Variants in TRIM43B observed in about 807,000 individuals in gnomAD.
TRIM43B encodes tripartite motif containing 43B.
Under a neutral mutation model 27.0 loss-of-function variants are expected in TRIM43B, and 15 were observed. The observed-to-expected ratio is 0.55, with a 90% CI of 0.37 to 0.85. The LOEUF is 0.85. Among genes scored for constraint, TRIM43B ranks in the 40% least tolerant of loss-of-function variants. The probability of loss-of-function intolerance (pLI) is 0.00; values close to 1 mark genes in which losing one functional copy is unlikely to be tolerated. For synonymous variants in TRIM43B, 69 were observed against 97.8 expected, an observed-to-expected ratio of 0.71 and a Z score of 1.74; for missense variants, 172 against 289.8, an observed-to-expected ratio of 0.59 and a Z score of 2.95.
chr2:95,480,480 G>A (rs559624347), exon 4 of TRIM43B: 51 of 1,606,102 alleles, frequency 3.2e-5, no homozygotes, highest in Admixed American at 2.3e-4. Context: ...ATGGAGAACC[G>A]GATGCAGCTT....
chr2:95,484,679 C>G (rs1558815084), exon 1 of TRIM43B: 1 of 152,088 alleles, frequency 6.6e-6, no homozygotes, highest in Middle Eastern at 3.4e-3. Flanking sequence ...ATGAGAGTCT[C>G]ACAGTGCAGT....
rs563777718 is a variant in TRIM43B at position 95,480,399 on chromosome 2, C to T, written c.644G>A (p.Ser215Asn). The T allele has an allele frequency of 4.5e-5, 72 of 1,609,508 alleles. No homozygotes were observed. In the African/African-American group the frequency reaches 8.3e-4, roughly 19 times the overall value. ...ACTCTTTTGATCCATTTTGACCCAA[C>T]TTCTCTGGAGTTGCTGAAAAATCTC... Residue 215 changes from serine to asparagine, a missense_variant, in exon 4 of 7, where the codon AGT becomes AAT. Around this residue, in one of 3 missense-constraint regions of TRIM43B, gnomAD observed 31 missense variants for 72.7 expected, o/e 0.43. Transcript: ENST00000639673.
At chr2:95,484,107 A>C (rs1278206996) in intron 1 of TRIM43B, among the ~76,000 whole-genome samples, 1 of 150,506 alleles carries the variant, frequency 6.6e-6, no homozygotes. Context: ...GCGGTGGCTC[A>C]GGCCTGTAAT....
At chr2:95,481,030 C>T (rs1683512541) in intron 3 of TRIM43B, among the ~76,000 whole-genome samples, 2 of 152,074 alleles carry the variant, frequency 1.3e-5, no homozygotes, top group African/African-American at 4.8e-5. Flanking sequence ...CTCTGTATTG[C>T]ACTGCCATTC....
chr2:95,481,927 A>G (rs910013005), intron 2 of TRIM43B, among the ~76,000 whole-genome samples: 1 of 151,884 alleles, frequency 6.6e-6, no homozygotes, highest in African/African-American at 2.4e-5. Context: ...GTTCAGGGAA[A>G]CATCCTGCTT....
rs548134783 is a variant in TRIM43B, at chr2:95,483,684, C to T, written c.-5+922G>A. 1.0e-3 allele frequency among the ~76,000 whole-genome samples: 155 copies of T among 151,712 alleles called. 1 individual carries two copies. Among genetic ancestry groups the T allele is most frequent in the Non-Finnish European group, 1.6e-3 (112 of 67,926 alleles). The stretch of plus-strand genomic sequence containing the variant: ...CTACTAAAAAATACAAAAAATTAGC[C>T]GGGAGTGGTGGAGGACGCCTGTAGT... On this transcript the variant is annotated intron_variant, in intron 1 of 6. Transcript: ENST00000639673.
chr2:95,480,752 A>G (rs1487231556), intron 3 of TRIM43B, among the ~76,000 whole-genome samples: 1 of 152,154 alleles, frequency 6.6e-6, no homozygotes, highest in East Asian at 1.9e-4. Flanking sequence ...CAAATCGGAA[A>G]TACAATTAGA....
chr2:95,481,624 C>T, exon 3 of TRIM43B: 1 of 1,612,680 alleles, frequency 6.2e-7, no homozygotes, highest in Middle Eastern at 1.7e-4. Context: ...CTTCTCTCCT[C>T]ATATAGATTT....
intron 1 of TRIM43B, among the ~76,000 whole-genome samples, chr2:95,483,551 GC>G (rs1174922477): frequency 6.6e-6 from 1 of 151,642 alleles, no homozygotes; most frequent in East Asian, 1.9e-4. Context: ...GGGCACGGTG[GC>G]TGACGCCTGT....
At chr2:95,483,258 G>T (rs1403232202) in intron 1 of TRIM43B, among the ~76,000 whole-genome samples, 2 of 152,016 alleles carry the variant, frequency 1.3e-5, no homozygotes, top group Non-Finnish European at 2.9e-5. Context: ...ACTCTCCAAG[G>T]AAAAACAGTC....
At chr2:95,481,444 C>T (rs1015546145) in intron 3 of TRIM43B, 151 bp downstream of exon 3, 33 of 550,890 alleles carry the variant, frequency 6.0e-5, no homozygotes, top group African/African-American at 5.4e-4. Context: ...CCTGAACAAT[C>T]GTTATGTTGA....
At chr2:95,484,068 TAAA>T (rs33962775) in intron 1 of TRIM43B, among the ~76,000 whole-genome samples, 12 of 108,406 alleles carry the variant, frequency 1.1e-4, no homozygotes, top group African/African-American at 1.8e-4. Context: ...TATATAAATT[TAAA>T]AAAAAAAAAA....
At position 95,483,688 on chromosome 2, in the gene TRIM43B, A is replaced by ACT. The variant is rs1683578726; in HGVS notation, c.-5+917_-5+918insAG. Among the ~76,000 whole-genome samples the ACT allele has an allele frequency of 4.0e-5, 6 of 151,894 alleles. No individual in the cohort carries two copies. In the South Asian group the frequency reaches 6.3e-4, roughly 16 times the overall value. ...TAAAAAATACAAAAAATTAGCCGGGAGTGGTGGAGGACGCCTGTAGTCCCA... is the reference window on the plus strand; with the variant it reads ...TAAAAAATACAAAAAATTAGCCGGGACTGTGGTGGAGGACGCCTGTAGTCCCA... On this transcript the variant is annotated intron_variant, in intron 1 of 6. Transcript: ENST00000639673.
At chr2:95,482,535 C>T (rs1221281495) in exon 2 of TRIM43B, 11 of 1,611,090 alleles carry the variant, frequency 6.8e-6, no homozygotes, top group East Asian at 4.5e-5. Context: ...AGTCCATTTT[C>T]GGTGATGGTT....
exon 4 of TRIM43B, chr2:95,480,351 T>C: frequency 1.9e-6 from 3 of 1,609,968 alleles, no homozygotes; most frequent in Non-Finnish European, 2.5e-6. Context: ...CATTAGTTCC[T>C]GATACATTTC....
intron 1 of TRIM43B, among the ~76,000 whole-genome samples, chr2:95,483,089 A>G (rs994440634): frequency 5.9e-5 from 9 of 152,120 alleles, no homozygotes; most frequent in Admixed American, 6.6e-5. Context: ...CTTCATTGCC[A>G]GTGATTGGTT....
intron 1 of TRIM43B, 60 bp downstream of exon 1, chr2:95,484,546 C>T (rs1683606599): frequency 6.6e-6 from 1 of 152,050 alleles, no homozygotes; most frequent in South Asian, 2.1e-4. Context: ...TTAAAGTCCC[C>T]AAATTTTGTT....
chr2:95,482,853 A>G, intron 1 of TRIM43B, 135 bp from the exon 2 acceptor site: 1 of 1,479,618 alleles, frequency 6.8e-7, no homozygotes. Flanking sequence ...GCAATGACAG[A>G]AATAGGAAAA....
Position 95,481,507 on chromosome 2 carries a change from A to ATGAG in TRIM43B, c.507+84_507+87dup, listed in dbSNP as rs1683521940. On this transcript the variant is annotated intron_variant, in intron 3 of 6. Coordinates refer to ENST00000639673, the Ensembl canonical transcript of TRIM43B. ...ATAAACACATGACAAAATCTGGCAT[A>ATGAG]TGAGAATTTCAACTCAAGTTGCTAA... 5 of 974,742 alleles carry ATGAG rather than the reference A, an allele frequency of 5.1e-6. No individual in the cohort carries two copies. In the East Asian group the frequency reaches 1.3e-4, roughly 26 times the overall value. 60.4% of individuals were successfully genotyped at this position (974,742 alleles called of 1,614,324 possible).
Sources: gnomAD v4.1 joint callset for allele counts (sites outside exome capture counted in the v4.1 genomes callset) on GRCh38, gnomAD v4.1.1 for gene constraint, gnomAD v4.1.1 regional missense constraint, MANE v1.5 for transcripts, NCBI Gene and HGNC (gene_info 2026-07-23, HGNC 2026-07-21) for gene names.